Variants in STEAP1B observed in about 807,000 individuals in gnomAD.
The protein encoded by STEAP1B is STEAP family member 1B.
Under a neutral mutation model 27.9 loss-of-function variants are expected in STEAP1B, and 13 were observed. That is an observed-to-expected ratio of 0.47 (90% CI 0.30 to 0.74). STEAP1B has a LOEUF of 0.74. STEAP1B is among the 30% of genes least tolerant of loss of function. The pLI, the probability that STEAP1B is intolerant of heterozygous loss-of-function variation, is 0.06. For synonymous variants in STEAP1B, 86 were observed against 107.1 expected (o/e 0.80, Z 1.22); for missense variants, 250 against 298.7 (o/e 0.84, Z 1.20).
intron 4 of STEAP1B, among the ~76,000 whole-genome samples, chr7:22,479,585 CAT>C (rs1298470669): frequency 1.3e-5 from 2 of 151,172 alleles, no homozygotes; most frequent in Non-Finnish European, 3.0e-5. Context: ...TAGTTGCCCA[CAT>C]ACTAACTGTA....
At chr7:22,425,785 T>C (rs1021412873) in intron 4 of STEAP1B, among the ~76,000 whole-genome samples, 1 of 152,216 alleles carries the variant, frequency 6.6e-6, no homozygotes. Flanking sequence ...CAGAAATCCT[T>C]AAGAAAATAG....
At chr7:22,430,119 T>A (rs1388966069) in intron 4 of STEAP1B, among the ~76,000 whole-genome samples, 1 of 152,226 alleles carries the variant, frequency 6.6e-6, no homozygotes, top group East Asian at 1.9e-4. Context: ...AATACAGACA[T>A]ATATGTTTAC....
At chr7:22,497,716 A>G (rs10276042) in intron 1 of STEAP1B, among the ~76,000 whole-genome samples, 16,167 of 152,208 alleles carry the variant, frequency 0.11, 1,061 homozygotes, top group African/African-American at 0.17. Flanking sequence ...TGCTATAAAG[A>G]AATACCTGAG....
Position 22,495,488 on chromosome 7 carries a change from A to G in STEAP1B, c.-31-602T>C, listed in dbSNP as rs1786423810. 7.4e-5 allele frequency: 6 copies of G among 81,266 alleles called. No individual in the cohort carries two copies. In the Admixed American group the frequency reaches 7.8e-4, roughly 11 times the overall value. The allele number at this position is 81,266 out of a possible 1,614,324, so 5.0% of individuals were successfully genotyped here. A position where few individuals can be genotyped will look rare whatever the true frequency, so the allele number is the denominator to read the frequency against. On this transcript the variant is annotated intron_variant, in intron 1 of 4. Transcript: ENST00000678116. ...CCAGTCTTCTGGTCAACCCTGTGGA[A>G]AAACAACTTTTCAAATTTATCACTT...
intron 4 of STEAP1B, among the ~76,000 whole-genome samples, chr7:22,454,846 T>TAA (rs1554285530): frequency 2.4e-5 from 2 of 83,192 alleles, no homozygotes; most frequent in East Asian, 5.6e-4. Context: ...TATATATATA[T>TAA]ATGTATATAT....
intron 1 of STEAP1B, among the ~76,000 whole-genome samples, chr7:22,497,702 G>A (rs533556531): frequency 2.4e-4 from 37 of 152,176 alleles, no homozygotes; most frequent in African/African-American, 7.7e-4. Flanking sequence ...GGCTGTTCTC[G>A]CACTGCTATA....
chr7:22,420,634 G>A (rs190818129), intron 4 of STEAP1B, among the ~76,000 whole-genome samples: 1 of 152,232 alleles, frequency 6.6e-6, no homozygotes. Flanking sequence ...ACATAAGATT[G>A]ATTTTTCCTT....
chr7:22,427,798 G>C (rs886166038), intron 4 of STEAP1B, among the ~76,000 whole-genome samples: 5 of 152,154 alleles, frequency 3.3e-5, no homozygotes, highest in African/African-American at 1.2e-4. Context: ...AAAAGAAACT[G>C]GTAAAATTAG....
At chr7:22,470,882 C>A (rs1785869681) in intron 4 of STEAP1B, among the ~76,000 whole-genome samples, 1 of 151,836 alleles carries the variant, frequency 6.6e-6, no homozygotes, top group South Asian at 2.1e-4. Flanking sequence ...AAAACATCAC[C>A]CAAAAAATAT....
At chr7:22,456,317 C>A (rs1327090193) in intron 4 of STEAP1B, among the ~76,000 whole-genome samples, 1 of 152,140 alleles carries the variant, frequency 6.6e-6, no homozygotes, top group South Asian at 2.1e-4. Context: ...AGGAAGAAAT[C>A]GTGCTTAAAA....
rs145836163 is a variant in STEAP1B at position 22,436,122 on chromosome 7, C to T, written c.763-16286G>A. On this transcript the variant is annotated intron_variant, in intron 4 of 4. Transcript: ENST00000678116. ...AATGAGAGTAATAATATTATCCAGCCGTAGGGTTTTTTGGTGAGAATTAAA... is the reference window on the plus strand; with the variant it reads ...AATGAGAGTAATAATATTATCCAGCTGTAGGGTTTTTTGGTGAGAATTAAA... 1.5e-3 allele frequency among the ~76,000 whole-genome samples: 228 copies of T among 152,162 alleles called. 1 individual carries two copies. The highest frequency in any genetic ancestry group is 5.1e-3 in the African/African-American group (210 of 41,480).
chr7:22,459,793 C>T (rs544129433), intron 4 of STEAP1B, among the ~76,000 whole-genome samples: 54 of 152,336 alleles, frequency 3.5e-4, no homozygotes, highest in Non-Finnish European at 7.1e-4. Context: ...GTCCTCAGGA[C>T]TCTCCATTAA....
chr7:22,482,997 G>A (rs959678751), intron 4 of STEAP1B, among the ~76,000 whole-genome samples: 8 of 150,264 alleles, frequency 5.3e-5, no homozygotes, highest in African/African-American at 1.5e-4. Context: ...GATCTGTGCC[G>A]CCAGCACATC....
intron 4 of STEAP1B, among the ~76,000 whole-genome samples, chr7:22,460,063 G>A (rs3114730): frequency 0.63 from 95,961 of 151,808 alleles, 30,990 homozygotes; most frequent in African/African-American, 0.76. Flanking sequence ...TAATCCTAGC[G>A]CTCTGGGAGG....
chr7:22,438,216 G>A (rs992568559), intron 4 of STEAP1B, among the ~76,000 whole-genome samples: 6 of 152,120 alleles, frequency 3.9e-5, no homozygotes, highest in African/African-American at 1.4e-4. Context: ...CCCTTCCCAA[G>A]GAACAGCATC....
At chr7:22,469,688 G>A (rs1785846265) in intron 4 of STEAP1B, among the ~76,000 whole-genome samples, 1 of 152,120 alleles carries the variant, frequency 6.6e-6, no homozygotes, top group Non-Finnish European at 1.5e-5. Flanking sequence ...GGAGCACTAG[G>A]CTTGCAGATA....
rs1019567176 is a variant in STEAP1B at position 22,474,661 on chromosome 7, T to C, written c.762+17904A>G. The stretch of plus-strand genomic sequence containing the variant: ...TGCTGCTGTTGATGGGCTTCTGTCT[T>C]GGTGAGATGCTGGAGCAGGGCTCAA... On this transcript the variant is annotated intron_variant, in intron 4 of 4. Transcript: ENST00000678116. Among the ~76,000 whole-genome samples the C allele has an allele frequency of 6.6e-5, 10 of 152,372 alleles. No homozygotes were observed. The East Asian group carries it at 1.9e-3, about 29-fold the overall frequency.
intron 4 of STEAP1B, among the ~76,000 whole-genome samples, chr7:22,466,218 T>C (rs1050304573): frequency 3.3e-5 from 5 of 152,228 alleles, no homozygotes; most frequent in Non-Finnish European, 7.3e-5. Flanking sequence ...AACAGTTTTT[T>C]TTCTACCTTT....
intron 4 of STEAP1B, among the ~76,000 whole-genome samples, chr7:22,458,172 T>TATC (rs2128406935): frequency 6.6e-6 from 1 of 152,314 alleles, no homozygotes; most frequent in East Asian, 1.9e-4. Flanking sequence ...AGGTGACAAC[T>TATC]ATGTGCCAGG....
Sources: gnomAD v4.1 joint callset for allele counts (sites outside exome capture counted in the v4.1 genomes callset) on GRCh38, gnomAD v4.1.1 for gene constraint, MANE v1.5 for transcripts, NCBI Gene and HGNC (gene_info 2026-07-23, HGNC 2026-07-21) for gene names.